VIRMA: variants seen among roughly 807,000 people sequenced by gnomAD.
The protein encoded by VIRMA is protein virilizer homolog.
VIRMA carries 65 observed loss-of-function variants against 182.4 expected under a neutral mutation model. The ratio of observed to expected loss-of-function variants is 0.36; its 90% confidence interval spans 0.29 to 0.44. The LOEUF (loss-of-function observed/expected upper bound fraction) is 0.44, where lower values mean the gene tolerates loss of function less well. Ranked by LOEUF, VIRMA falls within the 20% of genes least tolerant of loss-of-function variation. The pLI is 1.00. For synonymous variants in VIRMA, 709 were observed against 743.1 expected (o/e 0.95, Z 0.75); for missense variants, 1,752 against 2,158.1 (o/e 0.81, Z 3.73).
rs865827269 is a variant in VIRMA at position 94,510,002 on chromosome 8, G to A, written c.3627-62C>T. On this transcript the variant is annotated intron_variant, in intron 14 of 23. Coordinates refer to ENST00000297591, the MANE Select transcript of VIRMA (RefSeq NM_015496.5). ...TTGACCTTAAGGCATTGTTTAACTA[G>A]TATTTATTTCTCAATACACATCAAC... 3.4e-5 allele frequency: 49 copies of A among 1,432,692 alleles called. No individual in the cohort carries two copies. The Middle Eastern group carries it at 3.5e-3, about 103-fold the overall frequency. 88.7% of individuals were successfully genotyped at this position (1,432,692 alleles called of 1,614,324 possible).
At chr8:94,493,415 A>T (rs1312354458) in intron 20 of VIRMA, among the ~76,000 whole-genome samples, 1 of 152,242 alleles carries the variant, frequency 6.6e-6, no homozygotes, top group Non-Finnish European at 1.5e-5. Context: ...AGTAACTTTT[A>T]ACAAATATTT....
chr8:94,511,610 G>A lies in VIRMA; in HGVS notation c.2965C>T (p.Leu989Phe), dbSNP rs1309945792. ...LNSILTQPWR[L>F]HVNMGTTLHR... ...AGGGTAGTCCCCATGTTGACATGGAGCCTCCAAGGCTGAGTCAGAATACTG... is the reference window on the plus strand; with the variant it reads ...AGGGTAGTCCCCATGTTGACATGGAACCTCCAAGGCTGAGTCAGAATACTG... Residue 989 changes from leucine (L) to phenylalanine (F), a missense_variant, in exon 13 of 24, where the codon CTC (leucine) becomes TTC (phenylalanine). Physicochemically the swap from Leu to Phe is conservative, Grantham distance 22. Around this residue, in one of 11 missense-constraint regions of VIRMA, gnomAD observed 777 missense variants for 920.6 expected, o/e 0.84. Coordinates refer to ENST00000297591, the MANE Select transcript of VIRMA (RefSeq NM_015496.5). 2 of 1,614,004 alleles carry A rather than the reference G, an allele frequency of 1.2e-6. No homozygotes were observed. The highest frequency in any genetic ancestry group is 3.3e-5 in the Admixed American group (2 of 59,998).
chr8:94,546,830 A>G (rs1563483829), intron 1 of VIRMA: 1 of 428,812 alleles, frequency 2.3e-6, no homozygotes, highest in Non-Finnish European at 4.6e-6. Context: ...TGGTCTTTCT[A>G]AACTATAAAT....
rs750350205 is a variant in VIRMA at position 94,492,732 on chromosome 8, T to C, written c.4728A>G (p.Glu1576=). ...TCTTGGTTCTTCCTGGAGATGATGG[T>C]TCTGACAAAAATGAGCGCTCTAATT... ...HSELERSFLS[E]PSSPGRTKTT... is the part of the protein sequence containing the mutation. Residue 1576 remains glutamate (E), a synonymous_variant, in exon 21 of 24, where the codon GAA becomes GAG. Coordinates refer to ENST00000297591, the MANE Select transcript of VIRMA (RefSeq NM_015496.5). 38 of 1,613,918 alleles carry C rather than the reference T, an allele frequency of 2.4e-5. 1 individual carries two copies. The South Asian group carries it at 3.8e-4, about 16-fold the overall frequency.
At chr8:94,536,238 C>A (rs1272475735) in intron 4 of VIRMA, among the ~76,000 whole-genome samples, 1 of 152,178 alleles carries the variant, frequency 6.6e-6, no homozygotes. Context: ...GAACAGAAAT[C>A]CCACTGGAAG....
intron 8 of VIRMA, among the ~76,000 whole-genome samples, chr8:94,521,212 TCTC>T (rs1175439250): frequency 6.6e-6 from 1 of 152,128 alleles, no homozygotes; most frequent in East Asian, 1.9e-4. Context: ...AACCCTCTGT[TCTC>T]CTTCAACAGG....
chr8:94,523,153 CCTTT>C lies in VIRMA; in HGVS notation c.2021+3066_2021+3069del, dbSNP rs1814834464. Among the ~76,000 whole-genome samples, 4 of 152,252 alleles carry C rather than the reference CCTTT, an allele frequency of 2.6e-5. No homozygotes were observed. The South Asian group carries it at 8.3e-4, about 32-fold the overall frequency. ...TTATATTTGCATACTTACAAGATTC[CCTTT>C]CTCCTGCCCAAAACCAAACTCCTAC... On this transcript the variant is annotated intron_variant, in intron 8 of 23. Coordinates refer to ENST00000297591, the MANE Select transcript of VIRMA (RefSeq NM_015496.5).
chr8:94,494,031 C>A (rs189547949), intron 20 of VIRMA, among the ~76,000 whole-genome samples: 1 of 152,226 alleles, frequency 6.6e-6, no homozygotes, highest in Non-Finnish European at 1.5e-5. Flanking sequence ...AACCATTCCT[C>A]TCCTTGAACC....
intron 1 of VIRMA, among the ~76,000 whole-genome samples, chr8:94,545,614 G>A (rs1299068695): frequency 6.6e-6 from 1 of 152,162 alleles, no homozygotes; most frequent in Admixed American, 6.5e-5. Context: ...AATCTGTTGT[G>A]GTAGACAAGT....
intron 20 of VIRMA, among the ~76,000 whole-genome samples, chr8:94,494,010 C>T (rs914977133): frequency 1.3e-5 from 2 of 152,188 alleles, no homozygotes; most frequent in Admixed American, 1.3e-4. Flanking sequence ...CTGAGAGCCA[C>T]ACCATAGCAC....
At position 94,509,678 on chromosome 8, in the gene VIRMA, C is replaced by T. The variant is rs757861448; in HGVS notation, c.3879+10G>A. On this transcript the variant is annotated intron_variant, in intron 15 of 23. Transcript: ENST00000297591. ...TGCAGAGAGAGACTTTATAAAATAA[C>T]TATAAATACCTGATCACAGAGAGAC... 3 of 1,601,252 alleles carry T rather than the reference C, an allele frequency of 1.9e-6. No homozygotes were observed. In the South Asian group the frequency reaches 3.4e-5, roughly 18 times the overall value.
In VIRMA at chr8:94,534,157, CA is replaced by C. The variant is rs761638964; in HGVS notation, c.484+681del. 7 of 151,792 alleles carry C rather than the reference CA, an allele frequency of 4.6e-5. No individual in the cohort carries two copies. In the East Asian group the frequency reaches 5.8e-4, roughly 13 times the overall value. 9.4% of individuals were successfully genotyped at this position (151,792 alleles called of 1,614,324 possible). A position where few individuals can be genotyped will look rare whatever the true frequency, so the allele number is the denominator to read the frequency against. ...ATTTTTCTTGTTTCCAGTTAATGAGCAAAAGGTTCTCAAAAGTGGAAGAAAT... is the reference window on the plus strand; with the variant it reads ...ATTTTTCTTGTTTCCAGTTAATGAGCAAAGGTTCTCAAAAGTGGAAGAAAT... On this transcript the variant is annotated intron_variant, in intron 5 of 23. Coordinates refer to ENST00000297591, the MANE Select transcript of VIRMA (RefSeq NM_015496.5).
At chr8:94,537,047 A>T in intron 4 of VIRMA, 56 bp downstream of exon 4, 2 of 1,129,978 alleles carry the variant, frequency 1.8e-6, no homozygotes, top group Non-Finnish European at 2.7e-6. Context: ...CAAAAACTTT[A>T]AATGGAGTTG....
At chr8:94,504,527 G>C (rs1814090616) in intron 16 of VIRMA, among the ~76,000 whole-genome samples, 1 of 152,144 alleles carries the variant, frequency 6.6e-6, no homozygotes, top group Non-Finnish European at 1.5e-5. Flanking sequence ...GATTTTAATT[G>C]AGGTACAATA....
At chr8:94,501,009 G>A (rs1343504507) in intron 16 of VIRMA, among the ~76,000 whole-genome samples, 2 of 151,942 alleles carry the variant, frequency 1.3e-5, no homozygotes, top group African/African-American at 4.8e-5. Context: ...ACTTTGGGAG[G>A]CCGAGGCAGG....
chr8:94,522,679 G>A (rs137965501), intron 8 of VIRMA, among the ~76,000 whole-genome samples: 6 of 152,154 alleles, frequency 3.9e-5, no homozygotes, highest in African/African-American at 1.4e-4. Flanking sequence ...TAATATAATG[G>A]CTATTTCACA....
At chr8:94,513,386 A>G (rs953016911) in intron 11 of VIRMA, among the ~76,000 whole-genome samples, 19 of 151,942 alleles carry the variant, frequency 1.3e-4, no homozygotes, top group Admixed American at 3.9e-4. Flanking sequence ...TAACATTCAA[A>G]AAACGTTACT....
At chr8:94,514,318 TTTCA>T (rs1205272861) in intron 11 of VIRMA, among the ~76,000 whole-genome samples, 3 of 152,242 alleles carry the variant, frequency 2.0e-5, no homozygotes, top group African/African-American at 7.2e-5. Context: ...CTGTAATTTT[TTTCA>T]TTATGAATTA....
Position 94,526,894 on chromosome 8 carries a change from G to A in VIRMA, c.1350C>T (p.Ala450=). ...NLQVALRQPI[A]LNVRQLKAGT... is the part of the protein sequence containing the mutation. Reference sequence around the variant, plus strand: ...CAGCTTTGAGCTGTCGAACATTTAAGGCGATAGGTTGGCGAAGCGCTACTT... The same window carrying A: ...CAGCTTTGAGCTGTCGAACATTTAAAGCGATAGGTTGGCGAAGCGCTACTT... The change falls in exon 8 of 24, where the codon GCC becomes GCT. Residue 450 remains alanine, a synonymous_variant. Transcript: ENST00000297591. 6.2e-7 allele frequency: 1 copy of A among 1,614,214 alleles called. No individual in the cohort carries two copies. The highest frequency in any genetic ancestry group is 1.1e-5 in the South Asian group (1 of 91,088).
Sources: allele counts gnomAD v4.1 joint callset (sites outside exome capture counted in the v4.1 genomes callset), GRCh38; gene constraint gnomAD v4.1.1; regional missense constraint gnomAD v4.1.1; transcripts MANE v1.5; gene names NCBI Gene and HGNC (gene_info 2026-07-23, HGNC 2026-07-21).